GJA5: variants seen among roughly 807,000 people sequenced by gnomAD.
The protein encoded by GJA5 is gap junction protein alpha 5.
Under a neutral mutation model 7.9 loss-of-function variants are expected in GJA5, and 3 were observed. That is an observed-to-expected ratio of 0.38 (90% CI 0.17 to 0.99). The LOEUF is 0.99. Among genes scored for constraint, GJA5 ranks in the 50% least tolerant of loss-of-function variants. The pLI, the probability that GJA5 is intolerant of heterozygous loss-of-function variation, is 0.38. For missense variants in GJA5, 390 were observed against 457.9 expected (o/e 0.85, Z 1.35); for synonymous variants, 193 against 181.0 (o/e 1.07, Z -0.53).
In GJA5 at chr1:147,758,744, C is replaced by T. The variant is rs781863056; in HGVS notation, c.495G>A (p.Val165=). Residue 165 remains valine, a synonymous_variant, in exon 2 of 2, where the codon GTG becomes GTA. Transcript: ENST00000579774. ...TGAAGTACTGGCCCACAATGAAGCC[C>T]ACCTCCATGGTGGTGCGGATCAGGA... is the stretch of plus-strand genomic sequence containing the variant. The part of the protein sequence containing the change: ...CSILIRTTME[V]GFIVGQYFIY... 32 of 1,614,146 alleles carry T rather than the reference C, an allele frequency of 2.0e-5. No homozygotes were observed. The highest frequency in any genetic ancestry group is 2.5e-5 in the Non-Finnish European group (30 of 1,179,994).
chr1:147,769,122 A>G (rs1041652992), intron 1 of GJA5, among the ~76,000 whole-genome samples: 2 of 152,240 alleles, frequency 1.3e-5, no homozygotes, highest in African/African-American at 2.4e-5. Context: ...TGGGGCCCTC[A>G]GCCCACAGTG....
At chr1:147,763,308 T>G (rs1193656197), upstream of GJA5, among the ~76,000 whole-genome samples, 1 of 152,146 alleles carries the variant, frequency 6.6e-6, no homozygotes, top group East Asian at 1.9e-4. Context: ...CTTCACTGAG[T>G]GTAACTGCCT....
At position 147,758,323 on chromosome 1, in the gene GJA5, G is replaced by A. The variant is rs782268472; in HGVS notation, c.916C>T (p.Gln306Ter). The change falls in exon 2 of 2, where the codon CAG (glutamine) becomes TAG (stop). Residue 306 changes from glutamine to a stop codon, truncating the protein, a stop_gained. Transcript: ENST00000579774. LOFTEE classifies it high-confidence loss of function. ...TGGATGAAACCTTCCCCAGGAGTCT[G>A]CTCCTGACCTCGTACTTGCTCGGTG... ...LVTEQVRGQE[Q>*]TPGEGFIQVR... The A allele has an allele frequency of 6.2e-7, 1 of 1,613,984 alleles. No homozygotes were observed. The highest frequency in any genetic ancestry group is 2.2e-5 in the East Asian group (1 of 44,880).
upstream of GJA5, among the ~76,000 whole-genome samples, chr1:147,761,281 A>C (rs1664000083): frequency 6.6e-6 from 1 of 152,098 alleles, no homozygotes; most frequent in South Asian, 2.1e-4. Context: ...GGTTTGTCAA[A>C]TTCAAACTTT....
intron 1 of GJA5, among the ~76,000 whole-genome samples, chr1:147,768,514 T>C (rs1366459256): frequency 3.3e-5 from 5 of 152,232 alleles, no homozygotes; most frequent in African/African-American, 1.2e-4. Flanking sequence ...ACCCATGCAA[T>C]TAATTACTAA....
At chr1:147,764,823 CA>C (rs10622801), upstream of GJA5, among the ~76,000 whole-genome samples, 24,300 of 124,886 alleles carry the variant, frequency 0.19, 2,084 homozygotes, top group East Asian at 0.27. Context: ...GACTCCGTCT[CA>C]AAAAAAAAAA....
chr1:147,758,011 T>C lies in GJA5; in HGVS notation c.*151A>G, dbSNP rs982014542. On this transcript the variant is annotated 3_prime_UTR_variant, in exon 2 of 2. Transcript: ENST00000579774. ...CTATCCCAGAGCCCTGGTTATAGTT[T>C]CTAGAATTAATGAGCAACGTCATTG... is the stretch of plus-strand genomic sequence containing the variant. The C allele has an allele frequency of 3.0e-6, 2 of 667,034 alleles. No individual in the cohort carries two copies. 41.3% of individuals were successfully genotyped at this position (667,034 alleles called of 1,614,324 possible). A position where few individuals can be genotyped will look rare whatever the true frequency, so the allele number is the denominator to read the frequency against.
chr1:147,765,919 C>A (rs587763915), intron 1 of GJA5, among the ~76,000 whole-genome samples: 1 of 152,232 alleles, frequency 6.6e-6, no homozygotes, highest in East Asian at 1.9e-4. Context: ...GTGACTGCAC[C>A]CTCGTCTCTC....
chr1:147,768,792 A>G lies in GJA5; in HGVS notation c.-34+4460T>C, dbSNP rs587627135. On this transcript the variant is annotated intron_variant, in intron 1 of 1. Coordinates refer to the GJA5 transcript ENST00000430508. ...ATTGCCCCATTTCACTGATGAAAAA[A>G]CTGAGGCTCAGAGGCTAAGTACTTG... is the stretch of plus-strand genomic sequence containing the variant. Among the ~76,000 whole-genome samples the G allele has an allele frequency of 3.3e-5, 5 of 152,294 alleles. No homozygotes were observed. In the South Asian group the frequency reaches 1.0e-3, roughly 32 times the overall value.
chr1:147,767,046 C>T (rs1000593261), intron 1 of GJA5, among the ~76,000 whole-genome samples: 17 of 152,300 alleles, frequency 1.1e-4, no homozygotes, highest in African/African-American at 3.6e-4. Flanking sequence ...ACCTTTATGT[C>T]AGAAGTCTTT....
chr1:147,763,770 C>T (rs1272417215), upstream of GJA5, among the ~76,000 whole-genome samples: 36 of 152,032 alleles, frequency 2.4e-4, 1 homozygote, highest in Admixed American at 2.3e-3. Flanking sequence ...TGGCCAATGA[C>T]CAGAAATAAA....
At chr1:147,760,686 A>C (rs1663967925), upstream of GJA5, 1 of 152,222 alleles carries the variant, frequency 6.6e-6, no homozygotes, top group Non-Finnish European at 1.5e-5. Context: ...TTTCCTACCC[A>C]ATAGAAAACC....
Position 147,758,254 on chromosome 1 carries a change from G to C in GJA5, c.985C>G (p.Pro329Ala). 6.2e-7 allele frequency: 1 copy of C among 1,614,092 alleles called. No homozygotes were observed. The highest frequency in any genetic ancestry group is 8.5e-7 in the Non-Finnish European group (1 of 1,179,958). ...TAGCCATGGGGAAGGCGGTGACCTG[G>C]TGAGACTCCATTGGGCACCTCAGGC... ...QKPEVPNGVS[P>A]GHRLPHGYHS... Residue 329 changes from proline (P) to alanine (A), a missense_variant, in exon 2 of 2, where the codon CCA (proline) becomes GCA (alanine). Pro to Ala is a conservative substitution (Grantham distance 27). This residue lies in a region of GJA5 where 354 missense variants were observed against 370.9 expected (regional missense o/e 0.95). Coordinates refer to ENST00000579774, the MANE Select transcript of GJA5 (RefSeq NM_181703.4).
chr1:147,763,678 TAGATAAGAGGA>T (rs1400778613), upstream of GJA5, among the ~76,000 whole-genome samples: 2 of 152,160 alleles, frequency 1.3e-5, no homozygotes, highest in South Asian at 4.1e-4. Flanking sequence ...ACATGGTGCT[TAGATAAGAGGA>T]AGAGGGCCAG....
intron 1 of GJA5, among the ~76,000 whole-genome samples, chr1:147,769,411 AG>A (rs1664320276): frequency 6.6e-6 from 1 of 152,224 alleles, no homozygotes; most frequent in Non-Finnish European, 1.5e-5. Flanking sequence ...ACCCTAGGCA[AG>A]TCACTTATCC....
chr1:147,765,794 G>A (rs1664180582), intron 1 of GJA5, among the ~76,000 whole-genome samples: 1 of 152,098 alleles, frequency 6.6e-6, no homozygotes, highest in African/African-American at 2.4e-5. Context: ...AATGGGGTTG[G>A]GGATGTAAAG....
upstream of GJA5, among the ~76,000 whole-genome samples, chr1:147,762,628 A>G (rs587648202): frequency 6.6e-6 from 1 of 152,334 alleles, no homozygotes; most frequent in South Asian, 2.1e-4. Context: ...GGGCCCAGGC[A>G]GAGGAAATAG....
chr1:147,758,445 G>C lies in GJA5; in HGVS notation c.794C>G (p.Pro265Arg), dbSNP rs782304702. The C allele has an allele frequency of 1.2e-6, 2 of 1,614,182 alleles. No homozygotes were observed. Among genetic ancestry groups the C allele is most frequent in the Admixed American group, 1.7e-5 (1 of 60,026 alleles). ...ATTCTCCAGGCACTGATTAAAGTCG[G>C]GGGGTGGTGTGCAGCTCTGGACTAT... ...VGIVQSCTPPPDFNQCLENGP... is the reference protein window; with the variant it reads ...VGIVQSCTPPRDFNQCLENGP... Residue 265 changes from proline (P) to arginine (R), a missense_variant, in exon 2 of 2, where the codon CCC becomes CGC. By Grantham distance (103) the Pro-to-Arg change is moderately radical. Around this residue, in one of 2 missense-constraint regions of GJA5, gnomAD observed 354 missense variants for 370.9 expected, o/e 0.95. Transcript: ENST00000579774.
intron 1 of GJA5, among the ~76,000 whole-genome samples, chr1:147,771,911 A>C (rs1664418321): frequency 6.6e-6 from 1 of 152,158 alleles, no homozygotes; most frequent in Non-Finnish European, 1.5e-5. Context: ...AGAGCAGTGA[A>C]TCAAGGACTG....
Sources: gnomAD v4.1 joint callset for allele counts (sites outside exome capture counted in the v4.1 genomes callset) on GRCh38, gnomAD v4.1.1 for gene constraint, gnomAD v4.1.1 regional missense constraint, MANE v1.5 for transcripts, NCBI Gene and HGNC (gene_info 2026-07-23, HGNC 2026-07-21) for gene names.